ASB4: variants seen among roughly 807,000 people sequenced by gnomAD.
The protein encoded by ASB4 is ankyrin repeat and SOCS box containing 4.
Under a neutral mutation model 38.6 loss-of-function variants are expected in ASB4, and 35 were observed. The ratio of observed to expected loss-of-function variants is 0.91; its 90% confidence interval spans 0.69 to 1.20. The LOEUF (loss-of-function observed/expected upper bound fraction) is 1.20. ASB4 is among the 50% of genes most tolerant of loss of function. The pLI, the probability that ASB4 is intolerant of heterozygous loss-of-function variation, is 0.00. For missense variants in ASB4, 557 were observed against 527.2 expected (o/e 1.06, Z -0.55); for synonymous variants, 195 against 201.3 (o/e 0.97, Z 0.26).
At chr7:95,476,507 C>A (rs1451462724), upstream of ASB4, among the ~76,000 whole-genome samples, 2 of 152,136 alleles carry the variant, frequency 1.3e-5, no homozygotes, top group Non-Finnish European at 2.9e-5. Context: ...CTCTTTTACC[C>A]CCTGGAGCAA....
chr7:95,488,524 G>A (rs1247205304), intron 1 of ASB4, among the ~76,000 whole-genome samples: 3 of 152,196 alleles, frequency 2.0e-5, no homozygotes, highest in East Asian at 3.9e-4. Flanking sequence ...AGGCAACAGC[G>A]TGGAGCTGAG....
the ASB4 span, among the ~76,000 whole-genome samples, chr7:95,551,273 G>A: frequency 0.013 from 1,980 of 152,232 alleles, 41 homozygotes; most frequent in African/African-American, 0.044. Context: ...GAGCCACTGC[G>A]CCTGACCAGT....
In ASB4 at chr7:95,536,530, A is replaced by G; in HGVS notation, c.1072A>G (p.Ile358Val). The part of the protein sequence containing the change: ...IRWNTKWRRA[I>V]PDDDLEKYWD... ...ATGGAACACAAAGTGGAGAAGAGCT[A>G]TCCCCGATGATGACTTGGAGGTAAA... Residue 358 changes from isoleucine to valine, a missense_variant, in exon 4 of 5, where the codon ATC becomes GTC. Coordinates refer to ENST00000325885, the MANE Select transcript of ASB4 (RefSeq NM_016116.3). 6.2e-7 allele frequency: 1 copy of G among 1,609,716 alleles called. No homozygotes were observed. Among genetic ancestry groups the G allele is most frequent in the Non-Finnish European group, 8.5e-7 (1 of 1,176,218 alleles).
chr7:95,530,620 T>C (rs1209420601), intron 3 of ASB4, among the ~76,000 whole-genome samples: 1 of 152,002 alleles, frequency 6.6e-6, no homozygotes, highest in Non-Finnish European at 1.5e-5. Flanking sequence ...CCTCAGTGGC[T>C]GAAGTGGAGT....
In ASB4 at chr7:95,538,832, CT is replaced by C. The variant is rs1450029781; in HGVS notation, c.*1078del. The C allele has an allele frequency of 6.6e-6, 1 of 152,124 alleles. No homozygotes were observed. The highest frequency in any genetic ancestry group is 1.5e-5 in the Non-Finnish European group (1 of 68,024). The allele number at this position is 152,124 out of a possible 1,614,324, so 9.4% of individuals were successfully genotyped here. ...AGGGGACCTAGTTGATTACTTCGGTCTTTTTATGTAGCAGACTGACATTTCA... is the reference window on the plus strand; with the variant it reads ...AGGGGACCTAGTTGATTACTTCGGTCTTTTATGTAGCAGACTGACATTTCA... On this transcript the variant is annotated 3_prime_UTR_variant, in exon 5 of 5. Transcript: ENST00000325885.
At chr7:95,472,339 G>A in the ASB4 span, among the ~76,000 whole-genome samples, 1 of 152,102 alleles carries the variant, frequency 6.6e-6, no homozygotes, top group Non-Finnish European at 1.5e-5. Context: ...ATGATCTGTT[G>A]CCGCCATCTT....
At chr7:95,488,523 C>A (rs1353836032) in intron 1 of ASB4, among the ~76,000 whole-genome samples, 3 of 152,188 alleles carry the variant, frequency 2.0e-5, no homozygotes, top group Non-Finnish European at 4.4e-5. Context: ...CAGGCAACAG[C>A]GTGGAGCTGA....
intron 2 of ASB4, among the ~76,000 whole-genome samples, chr7:95,521,831 G>T (rs1296770449): frequency 6.6e-6 from 1 of 151,692 alleles, no homozygotes; most frequent in South Asian, 2.1e-4. Context: ...ATAGTAAAAA[G>T]AACAAAAATT....
chr7:95,505,635 T>A (rs1293416463), intron 2 of ASB4, among the ~76,000 whole-genome samples: 1 of 152,006 alleles, frequency 6.6e-6, no homozygotes, highest in Non-Finnish European at 1.5e-5. Context: ...GAGAATCTAT[T>A]GATTTATTCT....
the ASB4 span, among the ~76,000 whole-genome samples, chr7:95,550,602 C>G: frequency 6.6e-6 from 1 of 152,188 alleles, no homozygotes. Flanking sequence ...CACCTGTAAT[C>G]TTGTTGTCCA....
At chr7:95,479,189 A>G (rs1790003360) in intron 1 of ASB4, among the ~76,000 whole-genome samples, 1 of 152,330 alleles carries the variant, frequency 6.6e-6, no homozygotes, top group Middle Eastern at 3.4e-3. Flanking sequence ...TTTGAAACAC[A>G]CAGCTTATGA....
chr7:95,550,039 A>G, the ASB4 span, among the ~76,000 whole-genome samples: 3 of 152,214 alleles, frequency 2.0e-5, no homozygotes, highest in Non-Finnish European at 4.4e-5. Context: ...CTTTGTGACC[A>G]TAATAGGAGG....
chr7:95,495,855 G>A lies in ASB4; in HGVS notation c.285G>A (p.Leu95=). ...ATGTGGAATGTCTTCTGGTGCTACT[G>A]GACCACAATGCTACAATCAACTGTA... is the stretch of plus-strand genomic sequence containing the variant. ...FGHVECLLVL[L]DHNATINCRP... Residue 95 remains leucine (L), a synonymous_variant, in exon 2 of 5, where the codon CTG becomes CTA. Transcript: ENST00000325885. 3 of 1,613,482 alleles carry A rather than the reference G, an allele frequency of 1.9e-6. No homozygotes were observed. Among genetic ancestry groups the A allele is most frequent in the Non-Finnish European group, 2.5e-6 (3 of 1,179,960 alleles).
At chr7:95,523,608 T>C (rs1440762025) in intron 2 of ASB4, among the ~76,000 whole-genome samples, 1 of 152,152 alleles carries the variant, frequency 6.6e-6, no homozygotes, top group Non-Finnish European at 1.5e-5. Flanking sequence ...AATATAACTT[T>C]TGGTAGTTAT....
the ASB4 span, among the ~76,000 whole-genome samples, chr7:95,548,506 TA>T: frequency 6.6e-6 from 1 of 152,382 alleles, no homozygotes; most frequent in South Asian, 2.1e-4. Context: ...AAATGATTAC[TA>T]AACTTTTGTG....
intron 2 of ASB4, among the ~76,000 whole-genome samples, chr7:95,507,185 A>G (rs1790422340): frequency 6.6e-6 from 1 of 151,772 alleles, no homozygotes; most frequent in South Asian, 2.1e-4. Context: ...TGCACCTTTC[A>G]TCTGAGGAAT....
In ASB4 at chr7:95,496,085, T is replaced by C. The variant is rs749211498; in HGVS notation, c.487+28T>C. On this transcript the variant is annotated intron_variant, in intron 2 of 4. Transcript: ENST00000325885. ...AAGCCTTTCTGGGTGGCCAACATTGTTGTCTGCTTGTACACTCATGGTTTC... is the reference window on the plus strand; with the variant it reads ...AAGCCTTTCTGGGTGGCCAACATTGCTGTCTGCTTGTACACTCATGGTTTC... 3.1e-6 allele frequency: 5 copies of C among 1,591,088 alleles called. No individual in the cohort carries two copies. In the East Asian group the frequency reaches 1.1e-4, roughly 36 times the overall value.
downstream of ASB4, among the ~76,000 whole-genome samples, chr7:95,540,969 A>T (rs1584100724): frequency 6.6e-6 from 1 of 152,276 alleles, no homozygotes; most frequent in African/African-American, 2.4e-5. Context: ...TGAAGAACTT[A>T]CAAAGTTCTA....
the ASB4 span, among the ~76,000 whole-genome samples, chr7:95,549,064 G>A: frequency 6.6e-6 from 1 of 152,020 alleles, no homozygotes; most frequent in African/African-American, 2.4e-5. Context: ...TGTTTCTTAT[G>A]ACAAAATTAA....
Sources: gnomAD v4.1 joint callset for allele counts (sites outside exome capture counted in the v4.1 genomes callset) on GRCh38, gnomAD v4.1.1 for gene constraint, MANE v1.5 for transcripts, NCBI Gene and HGNC (gene_info 2026-07-23, HGNC 2026-07-21) for gene names.